FOXL1: variants seen among roughly 807,000 people sequenced by gnomAD.
The protein encoded by FOXL1 is forkhead box protein L1.
A neutral mutation model predicts 1.7 loss-of-function variants in FOXL1; 2 were observed. The ratio of observed to expected loss-of-function variants is 1.21; its 90% CI spans 0.49 to 3.80. The LOEUF is 3.80. Among genes scored for constraint, FOXL1 ranks in the 30% most tolerant of loss-of-function variants. The pLI is 0.07. For synonymous variants in FOXL1, 280 were observed against 229.3 expected, an observed-to-expected ratio of 1.22 and a Z score of -2.00; for missense variants, 565 against 495.8, an observed-to-expected ratio of 1.14 and a Z score of -1.32.
At position 86,579,589 on chromosome 16, in the gene FOXL1, C is replaced by A; in HGVS notation, c.866C>A (p.Pro289His). 6.2e-7 allele frequency: 1 copy of A among 1,613,138 alleles called. No homozygotes were observed. Among genetic ancestry groups the A allele is most frequent in the South Asian group, 1.1e-5 (1 of 91,048 alleles). The stretch of plus-strand genomic sequence containing the variant: ...CTCCTAGGGGGTGCCAAGCCTGGGC[C>A]CGGCGGCCGTCTGGGTGCCTCGCTC... ...DELLGGAKPG[P>H]GGRLGASLLA... The change falls in exon 1 of 1, where the codon CCC becomes CAC. Residue 289 changes from proline to histidine, a missense_variant. By Grantham distance (77) the Pro-to-His change is moderately conservative. Transcript: ENST00000320241.
chr16:86,582,613 G>A lies in FOXL1; in HGVS notation c.*2852G>A, dbSNP rs569576141. On this transcript the variant is annotated 3_prime_UTR_variant, in exon 1 of 1. Coordinates refer to ENST00000320241, the MANE Select transcript of FOXL1 (RefSeq NM_005250.3). The stretch of plus-strand genomic sequence containing the variant: ...TTGATAACAAAGTGTGTATACATAT[G>A]TACACGTTTATATATATGTATATAC... Among the ~76,000 whole-genome samples the A allele has an allele frequency of 1.3e-5, 2 of 152,042 alleles. No individual in the cohort carries two copies. Among genetic ancestry groups the A allele is most frequent in the Admixed American group, 1.3e-4 (2 of 15,266 alleles).
Position 86,579,793 on chromosome 16 carries a change from C to G in FOXL1, c.*32C>G. 1 of 1,576,324 alleles carries G rather than the reference C, an allele frequency of 6.3e-7. No homozygotes were observed. Among genetic ancestry groups the G allele is most frequent in the East Asian group, 2.2e-5 (1 of 44,502 alleles). On this transcript the variant is annotated 3_prime_UTR_variant, in exon 1 of 1. Coordinates refer to ENST00000320241, the MANE Select transcript of FOXL1 (RefSeq NM_005250.3). ...CAATGGCACGGTTCTTCTCCCGGCC[C>G]AGCCTGAGCCTCCGCTGAGCGAAAG...
Position 86,580,432 on chromosome 16 carries a change from C to A in FOXL1, c.*671C>A, listed in dbSNP as rs969288965. ...CTTTTATTTTAAACAGAGACTTTTT[C>A]TCTTAATTTCTTTCTGGGTAGTAAA... is the stretch of plus-strand genomic sequence containing the variant. On this transcript the variant is annotated 3_prime_UTR_variant, in exon 1 of 1. Transcript: ENST00000320241. The A allele has an allele frequency of 6.0e-6, 1 of 167,056 alleles. No individual in the cohort carries two copies. The highest frequency in any genetic ancestry group is 2.4e-5 in the African/African-American group (1 of 41,456). The allele number at this position is 167,056 out of a possible 1,614,324, so 10.3% of individuals were successfully genotyped here.
chr16:86,579,855 C>A lies in FOXL1; in HGVS notation c.*94C>A, dbSNP rs1476665986. The A allele has an allele frequency of 2.3e-5, 29 of 1,259,896 alleles. No homozygotes were observed. The allele number at this position is 1,259,896 out of a possible 1,614,324, so 78.0% of individuals were successfully genotyped here. ...CACCGGCGGAGGATTTTAAAATGATCTTTGCCTGGGTCGGCCTGTGGGTTC... is the reference window on the plus strand; with the variant it reads ...CACCGGCGGAGGATTTTAAAATGATATTTGCCTGGGTCGGCCTGTGGGTTC... On this transcript the variant is annotated 3_prime_UTR_variant, in exon 1 of 1. Coordinates refer to ENST00000320241, the MANE Select transcript of FOXL1 (RefSeq NM_005250.3).
In FOXL1 at chr16:86,579,708, T is replaced by G; in HGVS notation, c.985T>G (p.Phe329Val). The G allele has an allele frequency of 1.2e-6, 2 of 1,605,242 alleles. No individual in the cohort carries two copies. The highest frequency in any genetic ancestry group is 1.7e-6 in the Non-Finnish European group (2 of 1,172,536). Residue 329 changes from phenylalanine to valine, a missense_variant, in exon 1 of 1, where the codon TTC becomes GTC. Physicochemically the swap from Phe to Val is conservative, Grantham distance 50. Coordinates refer to ENST00000320241, the MANE Select transcript of FOXL1 (RefSeq NM_005250.3). ...QGGFYQLGIPFLSYFPLQVPD... is the reference protein window; with the variant it reads ...QGGFYQLGIPVLSYFPLQVPD... The stretch of plus-strand genomic sequence containing the variant: ...CGGCTTTTACCAGCTCGGGATCCCC[T>G]TCCTCTCTTATTTCCCCCTGCAGGT...
Position 86,582,033 on chromosome 16 carries a change from G to A in FOXL1, c.*2272G>A, listed in dbSNP as rs763912351. On this transcript the variant is annotated 3_prime_UTR_variant, in exon 1 of 1. Transcript: ENST00000320241. ...TAATTTGATACTGCAGTTTTAAAAG[G>A]GTCGTATTTTAAAGTTACTATTCCA... 1 of 152,128 alleles carries A rather than the reference G, an allele frequency of 6.6e-6. No homozygotes were observed. Among genetic ancestry groups the A allele is most frequent in the Non-Finnish European group, 1.5e-5 (1 of 68,036 alleles). The allele number at this position is 152,128 out of a possible 1,614,324, so 9.4% of individuals were successfully genotyped here. A position where few individuals can be genotyped will look rare whatever the true frequency, so the allele number is the denominator to read the frequency against.
At position 86,579,244 on chromosome 16, in the gene FOXL1, G is replaced by C; in HGVS notation, c.521G>C (p.Ser174Thr). The C allele has an allele frequency of 6.6e-7, 1 of 1,508,712 alleles. No homozygotes were observed. The highest frequency in any genetic ancestry group is 1.3e-5 in the South Asian group (1 of 77,682). 93.5% of individuals were successfully genotyped at this position (1,508,712 alleles called of 1,614,324 possible). A position where few individuals can be genotyped will look rare whatever the true frequency, so the allele number is the denominator to read the frequency against. The change falls in exon 1 of 1, where the codon AGC becomes ACC. Residue 174 changes from serine to threonine, a missense_variant. Transcript: ENST00000320241. Reference sequence around the variant, plus strand: ...GCGGAGGCGCAGCCGGAGGCGGGGAGCGGGGCAGGGGGCTCGGGCCCCGCA... The same window carrying C: ...GCGGAGGCGCAGCCGGAGGCGGGGACCGGGGCAGGGGGCTCGGGCCCCGCA... ...RSAEAQPEAG[S>T]GAGGSGPAIS... is the part of the protein sequence containing the mutation.
Position 86,582,925 on chromosome 16 carries a change from T to A in FOXL1, c.*3164T>A, listed in dbSNP as rs2144037772. Among the ~76,000 whole-genome samples the A allele has an allele frequency of 6.6e-6, 1 of 151,640 alleles. No homozygotes were observed. Among genetic ancestry groups the A allele is most frequent in the East Asian group, 1.9e-4 (1 of 5,168 alleles). On this transcript the variant is annotated 3_prime_UTR_variant, in exon 1 of 1. Coordinates refer to ENST00000320241, the MANE Select transcript of FOXL1 (RefSeq NM_005250.3). The stretch of plus-strand genomic sequence containing the variant: ...TATAGTGAAACTGACAGATTTTATT[T>A]AAACATCGCGGAAGACACCCGCTTT...
rs1974417794 is a variant in FOXL1 at position 86,581,835 on chromosome 16, G to T, written c.*2074G>T. The T allele has an allele frequency of 6.1e-6, 1 of 162,678 alleles. No homozygotes were observed. The highest frequency in any genetic ancestry group is 2.1e-4 in the South Asian group (1 of 4,824). The allele number at this position is 162,678 out of a possible 1,614,324, so 10.1% of individuals were successfully genotyped here. Reference sequence around the variant, plus strand: ...TGAGGGGTAAACACACAGATGGAGGGGAAGGAGTGGAGAGGATGCCGGGCC... The same window carrying T: ...TGAGGGGTAAACACACAGATGGAGGTGAAGGAGTGGAGAGGATGCCGGGCC... On this transcript the variant is annotated 3_prime_UTR_variant, in exon 1 of 1. Transcript: ENST00000320241.
chr16:86,579,296 G>A lies in FOXL1; in HGVS notation c.573G>A (p.Ala191=). The change falls in exon 1 of 1, where the codon GCG becomes GCA. Residue 191 remains alanine, a synonymous_variant. Coordinates refer to ENST00000320241, the MANE Select transcript of FOXL1 (RefSeq NM_005250.3). The part of the protein sequence containing the change: ...PAISRLQAAP[A]GPSPLLDGPS... ...TCTCCCGCCTGCAGGCAGCGCCCGCGGGCCCCTCGCCCCTCCTGGACGGCC... is the reference window on the plus strand; with the variant it reads ...TCTCCCGCCTGCAGGCAGCGCCCGCAGGCCCCTCGCCCCTCCTGGACGGCC... 8.2e-7 allele frequency: 1 copy of A among 1,223,114 alleles called. No homozygotes were observed. The highest frequency in any genetic ancestry group is 1.0e-6 in the Non-Finnish European group (1 of 965,082). The allele number at this position is 1,223,114 out of a possible 1,614,324, so 75.8% of individuals were successfully genotyped here.
chr16:86,579,840 G>T lies in FOXL1; in HGVS notation c.*79G>T. ...AAAGGCCACAGCTCCCACCGGCGGA[G>T]GATTTTAAAATGATCTTTGCCTGGG... On this transcript the variant is annotated 3_prime_UTR_variant, in exon 1 of 1. Transcript: ENST00000320241. 3 of 1,349,358 alleles carry T rather than the reference G, an allele frequency of 2.2e-6. No homozygotes were observed. The highest frequency in any genetic ancestry group is 3.1e-6 in the Non-Finnish European group (3 of 964,610). The allele number at this position is 1,349,358 out of a possible 1,614,324, so 83.6% of individuals were successfully genotyped here.
chr16:86,579,046 T>C lies in FOXL1; in HGVS notation c.323T>C (p.Val108Ala). 6.2e-7 allele frequency: 1 copy of C among 1,614,100 alleles called. No individual in the cohort carries two copies. Among genetic ancestry groups the C allele is most frequent in the Non-Finnish European group, 8.5e-7 (1 of 1,179,980 alleles). ...RHNLSLNDCF[V>A]KVPREKGRPG... The stretch of plus-strand genomic sequence containing the variant: ...AACCTCTCGCTCAACGACTGCTTCG[T>C]CAAGGTGCCCCGCGAGAAAGGGCGG... The change falls in exon 1 of 1, where the codon GTC becomes GCC. Residue 108 changes from valine to alanine, a missense_variant. Coordinates refer to ENST00000320241, the MANE Select transcript of FOXL1 (RefSeq NM_005250.3).
At position 86,582,828 on chromosome 16, in the gene FOXL1, T is replaced by G. The variant is rs991413536; in HGVS notation, c.*3067T>G. Among the ~76,000 whole-genome samples, 6 of 152,036 alleles carry G rather than the reference T, an allele frequency of 3.9e-5. No individual in the cohort carries two copies. The highest frequency in any genetic ancestry group is 1.3e-4 in the Admixed American group (2 of 15,264). ...ATAGTTTTTAAAAATAGATAATAAT[T>G]TCTATATAGCTTTAATAGTTTTGTT... is the stretch of plus-strand genomic sequence containing the variant. On this transcript the variant is annotated 3_prime_UTR_variant, in exon 1 of 1. Coordinates refer to ENST00000320241, the MANE Select transcript of FOXL1 (RefSeq NM_005250.3).
Position 86,579,400 on chromosome 16 carries a change from C to T in FOXL1, c.677C>T (p.Ala226Val). The T allele has an allele frequency of 1.3e-6, 2 of 1,523,824 alleles. No homozygotes were observed. Among genetic ancestry groups the T allele is most frequent in the African/African-American group, 1.4e-5 (1 of 72,166 alleles). 94.4% of individuals were successfully genotyped at this position (1,523,824 alleles called of 1,614,324 possible). A position where few individuals can be genotyped will look rare whatever the true frequency, so the allele number is the denominator to read the frequency against. The part of the protein sequence containing the change: ...EDAGDAAQGA[A>V]AVAVGQAART... Reference sequence around the variant, plus strand: ...GCTGGTGACGCTGCCCAGGGCGCAGCGGCCGTGGCGGTCGGCCAGGCAGCG... The same window carrying T: ...GCTGGTGACGCTGCCCAGGGCGCAGTGGCCGTGGCGGTCGGCCAGGCAGCG... Residue 226 changes from alanine to valine, a missense_variant, in exon 1 of 1, where the codon GCG becomes GTG. Coordinates refer to ENST00000320241, the MANE Select transcript of FOXL1 (RefSeq NM_005250.3).
chr16:86,579,229 A>G lies in FOXL1; in HGVS notation c.506A>G (p.Gln169Arg). ...AETHQRSAEA[Q>R]PEAGSGAGGS... ...ACGCACCAGCGCAGCGCGGAGGCGC[A>G]GCCGGAGGCGGGGAGCGGGGCAGGG... Residue 169 changes from glutamine (Q) to arginine (R), a missense_variant, in exon 1 of 1, where the codon CAG becomes CGG. Physicochemically the swap from Gln to Arg is conservative, Grantham distance 43. Coordinates refer to ENST00000320241, the MANE Select transcript of FOXL1 (RefSeq NM_005250.3). 6.5e-7 allele frequency: 1 copy of G among 1,533,466 alleles called. No homozygotes were observed. The allele number at this position is 1,533,466 out of a possible 1,614,324, so 95.0% of individuals were successfully genotyped here.
Position 86,579,742 on chromosome 16 carries a change from C to G in FOXL1, c.1019C>G (p.Thr340Arg), listed in dbSNP as rs1011287442. ...LSYFPLQVPD[T>R]VLHFQ ...TATTTCCCCCTGCAGGTTCCCGACACGGTACTCCACTTCCAGTAAAGCAAA... is the reference window on the plus strand; with the variant it reads ...TATTTCCCCCTGCAGGTTCCCGACAGGGTACTCCACTTCCAGTAAAGCAAA... Residue 340 changes from threonine to arginine, a missense_variant, in exon 1 of 1, where the codon ACG (threonine) becomes AGG (arginine). Coordinates refer to ENST00000320241, the MANE Select transcript of FOXL1 (RefSeq NM_005250.3). 2 of 1,612,956 alleles carry G rather than the reference C, an allele frequency of 1.2e-6. No individual in the cohort carries two copies. Among genetic ancestry groups the G allele is most frequent in the South Asian group, 2.2e-5 (2 of 91,072 alleles).
Position 86,581,247 on chromosome 16 carries a change from T to C in FOXL1, c.*1486T>C, listed in dbSNP as rs1366940626. 1.2e-5 allele frequency: 2 copies of C among 167,138 alleles called. No homozygotes were observed. Among genetic ancestry groups the C allele is most frequent in the African/African-American group, 4.8e-5 (2 of 41,466 alleles). 10.4% of individuals were successfully genotyped at this position (167,138 alleles called of 1,614,324 possible). On this transcript the variant is annotated 3_prime_UTR_variant, in exon 1 of 1. Coordinates refer to ENST00000320241, the MANE Select transcript of FOXL1 (RefSeq NM_005250.3). The stretch of plus-strand genomic sequence containing the variant: ...GAACCTCTAAGTCACTTTTATTTTA[T>C]GTCATGTGATAAAGACACAAGTAGT...
rs1455222411 is a variant in FOXL1, at chr16:86,579,466, C to G, written c.743C>G (p.Ser248Cys). 1.9e-6 allele frequency: 3 copies of G among 1,560,442 alleles called. No individual in the cohort carries two copies. The highest frequency in any genetic ancestry group is 2.6e-6 in the Non-Finnish European group (3 of 1,152,780). The change falls in exon 1 of 1, where the codon TCC becomes TGC. Residue 248 changes from serine (S) to cysteine (C), a missense_variant. Physicochemically the swap from Ser to Cys is moderately radical, Grantham distance 112. Coordinates refer to ENST00000320241, the MANE Select transcript of FOXL1 (RefSeq NM_005250.3). The part of the protein sequence containing the change: ...DGPGSPLRPA[S>C]RSSPKSSDKS... The stretch of plus-strand genomic sequence containing the variant: ...CCGGGGTCCCCTCTGCGCCCCGCCT[C>G]CCGCAGCTCTCCGAAGAGCTCCGAC...
rs1974395843 is a variant in FOXL1 at position 86,580,241 on chromosome 16, C to G, written c.*480C>G. The G allele has an allele frequency of 5.9e-6, 1 of 170,434 alleles. No individual in the cohort carries two copies. Among genetic ancestry groups the G allele is most frequent in the African/African-American group, 2.4e-5 (1 of 41,508 alleles). 10.6% of individuals were successfully genotyped at this position (170,434 alleles called of 1,614,324 possible). On this transcript the variant is annotated 3_prime_UTR_variant, in exon 1 of 1. Coordinates refer to ENST00000320241, the MANE Select transcript of FOXL1 (RefSeq NM_005250.3). ...TGTGGCTCAGGCCTTGGTTTTGAGCCCATCTGGGTGGTGGGTGGTCACAGC... is the reference window on the plus strand; with the variant it reads ...TGTGGCTCAGGCCTTGGTTTTGAGCGCATCTGGGTGGTGGGTGGTCACAGC...
Sources: gnomAD v4.1 joint callset for allele counts (sites outside exome capture counted in the v4.1 genomes callset) on GRCh38, gnomAD v4.1.1 for gene constraint, MANE v1.5 for transcripts, NCBI Gene and HGNC (gene_info 2026-07-23, HGNC 2026-07-21) for gene names.